Variants in EPB41L2 observed in about 807,000 individuals in gnomAD.
EPB41L2 encodes band 4.1-like protein 2.
A neutral mutation model predicts 113.0 loss-of-function variants in EPB41L2; 43 were observed. That is an observed-to-expected ratio of 0.38 (90% CI 0.30 to 0.49). The LOEUF (loss-of-function observed/expected upper bound fraction) is 0.49. Among genes scored for constraint, EPB41L2 ranks in the 20% least tolerant of loss-of-function variants. The probability of loss-of-function intolerance (pLI) is 0.95; values close to 1 mark genes in which losing one functional copy is unlikely to be tolerated. For missense variants in EPB41L2, 1,147 were observed against 1,223.4 expected (o/e 0.94, Z 0.93); for synonymous variants, 442 against 436.7 (o/e 1.01, Z -0.15).
chr6:130,926,372 T>A (rs1804733509), intron 4 of EPB41L2, among the ~76,000 whole-genome samples: 1 of 152,236 alleles, frequency 6.6e-6, no homozygotes, highest in Admixed American at 6.5e-5. Context: ...GCTCATGATG[T>A]AAGTGCAAAG....
chr6:130,908,951 A>AC (rs1798513151), intron 4 of EPB41L2, 88 bp from the exon 5 acceptor site: 1 of 1,050,058 alleles, frequency 9.5e-7, no homozygotes, highest in Non-Finnish European at 1.4e-6. Flanking sequence ...TTTAAGTGTA[A>AC]ACACATTTTA....
intron 1 of EPB41L2, among the ~76,000 whole-genome samples, chr6:131,034,924 GTTTCAC>G (rs1792985861): frequency 6.6e-6 from 1 of 152,104 alleles, no homozygotes; most frequent in Admixed American, 6.5e-5. Context: ...CAGCTTAAGG[GTTTCAC>G]TTTCCTAACA....
intron 4 of EPB41L2, among the ~76,000 whole-genome samples, chr6:130,916,651 G>GTT (rs1452507399): frequency 0.012 from 1,873 of 152,266 alleles, 37 homozygotes; most frequent in South Asian, 0.039. Flanking sequence ...TCAAACTCCT[G>GTT]TAATGCTCTC....
chr6:130,858,048 GA>G, intron 19 of EPB41L2, 82 bp downstream of exon 19: 1 of 1,084,248 alleles, frequency 9.2e-7, no homozygotes, highest in African/African-American at 1.5e-5. Flanking sequence ...ACACTGATAT[GA>G]ACTTTCATTT....
intron 14 of EPB41L2, among the ~76,000 whole-genome samples, chr6:130,877,211 A>G (rs144950566): frequency 9.3e-4 from 142 of 152,376 alleles, no homozygotes; most frequent in Admixed American, 1.6e-3. Flanking sequence ...TAGCACTAGA[A>G]TATCTAAATC....
intron 3 of EPB41L2, among the ~76,000 whole-genome samples, chr6:130,944,024 A>G (rs765098766): frequency 6.6e-5 from 10 of 152,190 alleles, no homozygotes; most frequent in Non-Finnish European, 2.9e-5. Flanking sequence ...TAGAAACATA[A>G]TAGTTTTCAT....
At chr6:131,034,972 C>G (rs1456624077) in intron 1 of EPB41L2, among the ~76,000 whole-genome samples, 1 of 152,184 alleles carries the variant, frequency 6.6e-6, no homozygotes, top group Non-Finnish European at 1.5e-5. Flanking sequence ...TTCTTCACAC[C>G]TAACTGCCTG....
At chr6:130,952,822 T>A (rs897460828) in intron 3 of EPB41L2, among the ~76,000 whole-genome samples, 2 of 148,292 alleles carry the variant, frequency 1.3e-5, no homozygotes, top group Non-Finnish European at 3.0e-5. Flanking sequence ...AAAAAAAAAA[T>A]CTAAAACACA....
chr6:130,963,683 C>T lies in EPB41L2; in HGVS notation c.-14-7184G>A, dbSNP rs80059664. On this transcript the variant is annotated intron_variant, in intron 1 of 19. Coordinates refer to ENST00000337057, the MANE Select transcript of EPB41L2 (RefSeq NM_001431.4). ...CCTGTGCCAGGCAAAGCATTCTCCA[C>T]CAGCAACTAAGGCAATCTTGGAAAT... 1.1e-4 allele frequency among the ~76,000 whole-genome samples: 17 copies of T among 152,252 alleles called. No individual in the cohort carries two copies. In the East Asian group the frequency reaches 2.9e-3, roughly 26 times the overall value.
At chr6:130,906,024 A>C (rs759984731) in intron 5 of EPB41L2, among the ~76,000 whole-genome samples, 1 of 152,214 alleles carries the variant, frequency 6.6e-6, no homozygotes, top group African/African-American at 2.4e-5. Flanking sequence ...ATGGGATATA[A>C]GATTTTCCTG....
At chr6:130,963,085 G>A (rs914581445) in intron 1 of EPB41L2, among the ~76,000 whole-genome samples, 1 of 148,690 alleles carries the variant, frequency 6.7e-6, no homozygotes, top group Non-Finnish European at 1.5e-5. Flanking sequence ...ACACTGGCAA[G>A]AGAATCACAG....
At chr6:131,060,354 C>T (rs1798414816) in intron 1 of EPB41L2, among the ~76,000 whole-genome samples, 1 of 152,240 alleles carries the variant, frequency 6.6e-6, no homozygotes, top group African/African-American at 2.4e-5. Context: ...TTAAACATAA[C>T]TGTACAATAT....
At chr6:130,874,724 G>C (rs1786937839) in intron 14 of EPB41L2, among the ~76,000 whole-genome samples, 1 of 152,084 alleles carries the variant, frequency 6.6e-6, no homozygotes, top group East Asian at 1.9e-4. Flanking sequence ...AACCACTTGG[G>C]GGCTTTTCCA....
At chr6:131,040,927 A>G (rs1014470872) in intron 1 of EPB41L2, among the ~76,000 whole-genome samples, 2 of 152,240 alleles carry the variant, frequency 1.3e-5, no homozygotes, top group East Asian at 3.8e-4. Context: ...AGAAAAACAA[A>G]GATTCTCCAA....
At chr6:130,927,774 C>A (rs951526679) in intron 3 of EPB41L2, among the ~76,000 whole-genome samples, 2 of 152,134 alleles carry the variant, frequency 1.3e-5, no homozygotes, top group African/African-American at 4.8e-5. Context: ...GAGAATGCCA[C>A]ACAGATAACA....
chr6:130,947,086 G>A (rs3777466), intron 3 of EPB41L2, among the ~76,000 whole-genome samples: 63,532 of 144,728 alleles, frequency 0.44, 15,976 homozygotes, highest in Non-Finnish European at 0.54. Flanking sequence ...TCTAAACAGC[G>A]CCCTTGACTT....
intron 1 of EPB41L2, among the ~76,000 whole-genome samples, chr6:130,983,232 C>T (rs1400465289): frequency 2.6e-5 from 4 of 152,292 alleles, no homozygotes; most frequent in South Asian, 4.1e-4. Flanking sequence ...CACACATATA[C>T]GTATCAACAG....
chr6:130,902,184 T>C (rs187137358), intron 6 of EPB41L2, among the ~76,000 whole-genome samples: 11 of 152,338 alleles, frequency 7.2e-5, no homozygotes, highest in African/African-American at 2.4e-4. Context: ...CTGGCATTCA[T>C]ACTGGCAGCT....
chr6:130,866,121 T>C (rs1582838883), intron 16 of EPB41L2, among the ~76,000 whole-genome samples: 1 of 152,360 alleles, frequency 6.6e-6, no homozygotes, highest in Non-Finnish European at 1.5e-5. Flanking sequence ...CCTCTAGCGA[T>C]TGTTTTCATC....
Sources: allele counts gnomAD v4.1 joint callset (sites outside exome capture counted in the v4.1 genomes callset), GRCh38; gene constraint gnomAD v4.1.1; transcripts MANE v1.5; gene names NCBI Gene and HGNC (gene_info 2026-07-23, HGNC 2026-07-21).